Variants in MIR2052HG observed in about 807,000 individuals in gnomAD.
The protein encoded by MIR2052HG is MIR2052 host gene.
intron 4 of MIR2052HG, among the ~76,000 whole-genome samples, chr8:74,718,652 C>G (rs1308528092): frequency 1.3e-5 from 2 of 152,184 alleles, no homozygotes; most frequent in Non-Finnish European, 2.9e-5. Flanking sequence ...GCTGCTATAA[C>G]AAAGTACCAC....
intron 5 of MIR2052HG, among the ~76,000 whole-genome samples, chr8:74,756,358 C>T (rs993085648): frequency 1.3e-4 from 20 of 152,136 alleles, no homozygotes; most frequent in Admixed American, 4.6e-4. Context: ...AGGCCTACCA[C>T]GAGTCCCCTC....
chr8:74,679,388 T>A (rs1381783448), intron 2 of MIR2052HG, among the ~76,000 whole-genome samples: 1 of 152,106 alleles, frequency 6.6e-6, no homozygotes, highest in East Asian at 1.9e-4. Context: ...AGTAATGGTC[T>A]CCAACTCCAT....
chr8:74,660,578 C>T (rs977511376), intron 2 of MIR2052HG, among the ~76,000 whole-genome samples: 1 of 152,132 alleles, frequency 6.6e-6, no homozygotes, highest in Non-Finnish European at 1.5e-5. Context: ...TAAAATATTA[C>T]TTGTTTCTCT....
intron 2 of MIR2052HG, among the ~76,000 whole-genome samples, chr8:74,696,849 G>A (rs1301064750): frequency 6.7e-6 from 1 of 150,374 alleles, no homozygotes; most frequent in African/African-American, 2.5e-5. Context: ...AAAAAAAAAA[G>A]TCCAGGACCA....
chr8:74,735,985 AATG>A (rs1161489292), intron 4 of MIR2052HG, among the ~76,000 whole-genome samples: 4 of 152,306 alleles, frequency 2.6e-5, no homozygotes, highest in Admixed American at 6.5e-5. Flanking sequence ...ATAAAAATTT[AATG>A]ATATCTTTGC....
chr8:74,753,302 T>C (rs911945125), intron 5 of MIR2052HG, among the ~76,000 whole-genome samples: 1 of 152,224 alleles, frequency 6.6e-6, no homozygotes, highest in African/African-American at 2.4e-5. Flanking sequence ...ATGTATACAT[T>C]ATATAGTCTT....
At chr8:74,652,558 A>G (rs192596386) in intron 2 of MIR2052HG, among the ~76,000 whole-genome samples, 10 of 152,282 alleles carry the variant, frequency 6.6e-5, no homozygotes, top group African/African-American at 2.4e-4. Context: ...AGACAGAGTT[A>G]CTTATTCCTT....
intron 2 of MIR2052HG, among the ~76,000 whole-genome samples, chr8:74,623,136 A>T (rs1377200321): frequency 6.6e-6 from 1 of 152,200 alleles, no homozygotes; most frequent in Non-Finnish European, 1.5e-5. Context: ...AAAAGAGTAG[A>T]TTTTAGTGTT....
At chr8:74,653,073 C>G (rs1219622409) in intron 2 of MIR2052HG, among the ~76,000 whole-genome samples, 1 of 152,084 alleles carries the variant, frequency 6.6e-6, no homozygotes, top group African/African-American at 2.4e-5. Flanking sequence ...CCCCTTTTCC[C>G]TATTTTCTTC....
At chr8:74,617,146 T>C (rs947286037) in intron 2 of MIR2052HG, among the ~76,000 whole-genome samples, 2 of 152,138 alleles carry the variant, frequency 1.3e-5, no homozygotes, top group Non-Finnish European at 2.9e-5. Flanking sequence ...TACATACATA[T>C]ATCATATAGT....
At chr8:74,726,922 T>C (rs1809643201) in intron 4 of MIR2052HG, among the ~76,000 whole-genome samples, 1 of 152,228 alleles carries the variant, frequency 6.6e-6, no homozygotes, top group Non-Finnish European at 1.5e-5. Flanking sequence ...TTATTAGTTT[T>C]TGGAAGAAAC....
chr8:74,617,078 A>G (rs1808292734), intron 2 of MIR2052HG, among the ~76,000 whole-genome samples: 1 of 152,170 alleles, frequency 6.6e-6, no homozygotes, highest in Admixed American at 6.5e-5. Flanking sequence ...ATTCCTTTAG[A>G]TACAACTCTT....
intron 2 of MIR2052HG, among the ~76,000 whole-genome samples, chr8:74,653,752 A>G (rs1808775829): frequency 6.6e-6 from 1 of 152,230 alleles, no homozygotes; most frequent in Non-Finnish European, 1.5e-5. Flanking sequence ...TACAATGGCA[A>G]GTATAAAATA....
At chr8:74,652,103 A>G (rs1005726691) in intron 2 of MIR2052HG, among the ~76,000 whole-genome samples, 4 of 152,206 alleles carry the variant, frequency 2.6e-5, no homozygotes, top group Non-Finnish European at 5.9e-5. Context: ...TTATATCAAC[A>G]TAGGCTATAG....
At chr8:74,719,308 A>T (rs1809550819) in intron 4 of MIR2052HG, among the ~76,000 whole-genome samples, 1 of 152,190 alleles carries the variant, frequency 6.6e-6, no homozygotes, top group African/African-American at 2.4e-5. Flanking sequence ...AATGGTAATG[A>T]TGAACTGAAT....
At chr8:74,612,122 A>G (rs1042724203) in intron 1 of MIR2052HG, among the ~76,000 whole-genome samples, 4 of 152,182 alleles carry the variant, frequency 2.6e-5, no homozygotes, top group African/African-American at 7.2e-5. Context: ...ACCTTGGGCA[A>G]AAGTGCTGAA....
intron 2 of MIR2052HG, among the ~76,000 whole-genome samples, chr8:74,626,461 G>A (rs907487969): frequency 1.3e-5 from 2 of 152,134 alleles, no homozygotes; most frequent in African/African-American, 4.8e-5. Context: ...GGAAGTAAGA[G>A]GGCTCCTAGG....
rs1205591109 is a variant in MIR2052HG, at chr8:74,646,969, C to T, written n.216+34029C>T. ...AAATAAATATTATCAATAAATAGAT[C>T]ATAATCAAATCATATAAATCAATAG... is the stretch of plus-strand genomic sequence containing the variant. On this transcript the variant is annotated intron_variant and non_coding_transcript_variant, in intron 2 of 6. Coordinates refer to ENST00000523442, the Ensembl canonical transcript of MIR2052HG. Among the ~76,000 whole-genome samples, 3 of 151,794 alleles carry T rather than the reference C, an allele frequency of 2.0e-5. No individual in the cohort carries two copies. In the East Asian group the frequency reaches 5.8e-4, roughly 29 times the overall value.
At chr8:74,749,111 A>G (rs2128756507) in intron 4 of MIR2052HG, among the ~76,000 whole-genome samples, 1 of 152,344 alleles carries the variant, frequency 6.6e-6, no homozygotes, top group East Asian at 1.9e-4. Context: ...AAGAGAAAGG[A>G]AAGGTGAGAT....
Sources: allele counts gnomAD v4.1 joint callset (sites outside exome capture counted in the v4.1 genomes callset), GRCh38; gene constraint gnomAD v4.1.1; transcripts MANE v1.5; gene names NCBI Gene and HGNC (gene_info 2026-07-23, HGNC 2026-07-21).